Variants in GABBR1 observed in about 807,000 individuals in gnomAD.
GABBR1 encodes gamma-aminobutyric acid type B receptor subunit 1.
Under a neutral mutation model 117.7 loss-of-function variants are expected in GABBR1, and 35 were observed. The ratio of observed to expected loss-of-function variants is 0.30; its 90% CI spans 0.23 to 0.39. The LOEUF is 0.39. GABBR1 is among the 10% of genes least tolerant of loss of function. The pLI is 1.00. For missense variants in GABBR1, 709 were observed against 1,241.8 expected (o/e 0.57, Z 6.45); for synonymous variants, 442 against 486.6 (o/e 0.91, Z 1.21).
chr6:29,622,471 C>A lies in GABBR1; in HGVS notation c.964-266G>T. On this transcript the variant is annotated intron_variant, in intron 8 of 22. Transcript: ENST00000377034. The surrounding 1 kb of genome is among the most constrained non-coding windows in gnomAD (Gnocchi z 4.6). ...AAGCCACTCCATTCACCCACTCCTA[C>A]CACTGAAGGCAAAGATGGGGTAAAG... 1 of 479,840 alleles carries A rather than the reference C, an allele frequency of 2.1e-6. No individual in the cohort carries two copies. The allele number at this position is 479,840 out of a possible 1,614,324, so 29.7% of individuals were successfully genotyped here.
rs1762521828 is a variant in GABBR1 at position 29,611,381 on chromosome 6, C to T, written c.1631-380G>A. ...TTCTTCCTCTCATGATGGGCAGGCT[C>T]TATTTTCCCAGTGGCTTTCATTTTA... On this transcript the variant is annotated intron_variant, in intron 13 of 22. Coordinates refer to ENST00000377034, the MANE Select transcript of GABBR1 (RefSeq NM_001470.4). The surrounding 1 kb of genome is among the most constrained non-coding windows in gnomAD (Gnocchi z 4.6). 6.6e-6 allele frequency among the ~76,000 whole-genome samples: 1 copy of T among 152,210 alleles called. No individual in the cohort carries two copies. The highest frequency in any genetic ancestry group is 2.4e-5 in the African/African-American group (1 of 41,456).
Position 29,611,072 on chromosome 6 carries a change from C to A in GABBR1, c.1631-71G>T. The A allele has an allele frequency of 8.3e-7, 1 of 1,207,226 alleles. No individual in the cohort carries two copies. Among genetic ancestry groups the A allele is most frequent in the Non-Finnish European group, 1.2e-6 (1 of 812,810 alleles). The allele number at this position is 1,207,226 out of a possible 1,614,324, so 74.8% of individuals were successfully genotyped here. ...CTGATCCTAGGCATTTTCAACTTCC[C>A]ACTTCCCTAGAGCTTTGCATGGTTG... On this transcript the variant is annotated intron_variant, in intron 13 of 22. Transcript: ENST00000377034. The surrounding 1 kb of genome is among the most constrained non-coding windows in gnomAD (Gnocchi z 4.6).
chr6:29,611,197 C>T lies in GABBR1; in HGVS notation c.1631-196G>A, dbSNP rs924022665. ...ACTTAAAAGCAATATAAGGTGGTTC[C>T]CAAGACAACTCAAATAAATAAGAAT... On this transcript the variant is annotated intron_variant, in intron 13 of 22. Transcript: ENST00000377034. The surrounding 1 kb of genome is among the most constrained non-coding windows in gnomAD (Gnocchi z 4.6). The T allele has an allele frequency of 1.7e-4, 86 of 514,138 alleles. No individual in the cohort carries two copies. Among genetic ancestry groups the T allele is most frequent in the African/African-American group, 1.6e-3 (82 of 52,372 alleles). The allele number at this position is 514,138 out of a possible 1,614,324, so 31.8% of individuals were successfully genotyped here. A position where few individuals can be genotyped will look rare whatever the true frequency, so the allele number is the denominator to read the frequency against.
chr6:29,606,235 A>C lies in GABBR1; in HGVS notation c.2311+156T>G, dbSNP rs1761941379. 3.1e-6 allele frequency: 2 copies of C among 653,690 alleles called. No homozygotes were observed. 40.5% of individuals were successfully genotyped at this position (653,690 alleles called of 1,614,324 possible). ...AGAGCAACTCTCCCCTATTCTCAGA[A>C]AAGATTAGTGCAATAACAAAGAGTA... is the stretch of plus-strand genomic sequence containing the variant. On this transcript the variant is annotated intron_variant, in intron 19 of 22. Transcript: ENST00000377034. This position sits in a 1 kb window ranked among gnomAD's most constrained non-coding sequence, Gnocchi z 4.5.
At chr6:29,603,770 T>G (rs1761659651) in intron 22 of GABBR1, 54 bp from the exon 23 acceptor site, 18 of 1,314,048 alleles carry the variant, frequency 1.4e-5, no homozygotes, top group East Asian at 5.2e-5. Flanking sequence ...GATGAAGGAG[T>G]GGGGAGGAGG....
intron 6 of GABBR1, among the ~76,000 whole-genome samples, chr6:29,625,103 C>T (rs1429507840): frequency 1.3e-5 from 2 of 152,116 alleles, no homozygotes; most frequent in Admixed American, 6.5e-5. Flanking sequence ...AAGGGGGAGC[C>T]AGGGGAAGCT....
At position 29,627,455 on chromosome 6, in the gene GABBR1, A is replaced by ACCCCCC; in HGVS notation, c.657+30_657+31insGGGGGG. 2.8e-4 allele frequency: 94 copies of ACCCCCC among 341,642 alleles called. No homozygotes were observed. The highest frequency in any genetic ancestry group is 1.4e-3 in the South Asian group (40 of 29,118). 21.2% of individuals were successfully genotyped at this position (341,642 alleles called of 1,614,324 possible). On this transcript the variant is annotated intron_variant, in intron 6 of 22. Transcript: ENST00000377034. This position sits in a 1 kb window ranked among gnomAD's most constrained non-coding sequence, Gnocchi z 4.4. ...CTGGCCCCCTGCCCCGCAAGCCCCC[A>ACCCCCC]CCTCCCACCCACCCCCATGTCCAGG...
chr6:29,604,421 T>C lies in GABBR1; in HGVS notation c.2712+73A>G. The C allele has an allele frequency of 6.3e-7, 1 of 1,595,350 alleles. No individual in the cohort carries two copies. The highest frequency in any genetic ancestry group is 8.6e-7 in the Non-Finnish European group (1 of 1,165,016). Reference sequence around the variant, plus strand: ...TCTGACCCTGTATCTCAGGCTTGGCTTCAGACAACCCAAGCTAAGACGCAA... The same window carrying C: ...TCTGACCCTGTATCTCAGGCTTGGCCTCAGACAACCCAAGCTAAGACGCAA... On this transcript the variant is annotated intron_variant, in intron 22 of 22. Coordinates refer to ENST00000377034, the MANE Select transcript of GABBR1 (RefSeq NM_001470.4). This position sits in a 1 kb window ranked among gnomAD's most constrained non-coding sequence, Gnocchi z 5.3.
Position 29,631,616 on chromosome 6 carries a change from G to A in GABBR1, c.86-17C>T. 6.2e-7 allele frequency: 1 copy of A among 1,611,450 alleles called. No homozygotes were observed. Among genetic ancestry groups the A allele is most frequent in the Non-Finnish European group, 8.5e-7 (1 of 1,177,584 alleles). ...TCTGGCAACCTAAGGGGTGAGTCGG[G>A]GAGGCATACAGAGAGGAATGGTGGG... is the stretch of plus-strand genomic sequence containing the variant. On this transcript the variant is annotated splice_polypyrimidine_tract_variant and intron_variant, in intron 2 of 22. Coordinates refer to ENST00000377034, the MANE Select transcript of GABBR1 (RefSeq NM_001470.4). This position sits in a 1 kb window ranked among gnomAD's most constrained non-coding sequence, Gnocchi z 5.9.
chr6:29,610,811 C>T, intron 14 of GABBR1, 113 bp downstream of exon 14: 1 of 890,280 alleles, frequency 1.1e-6, no homozygotes, highest in South Asian at 1.5e-5. Flanking sequence ...GGCCCAGCTG[C>T]CAGCCACATT....
rs1390544963 is a variant in GABBR1, at chr6:29,632,698, G to A, written c.-1+152C>T. The A allele has an allele frequency of 1.4e-6, 2 of 1,382,724 alleles. No homozygotes were observed. The highest frequency in any genetic ancestry group is 1.6e-5 in the African/African-American group (1 of 62,018). The allele number at this position is 1,382,724 out of a possible 1,614,324, so 85.7% of individuals were successfully genotyped here. On this transcript the variant is annotated intron_variant, in intron 1 of 22. Transcript: ENST00000377034. This position sits in a 1 kb window ranked among gnomAD's most constrained non-coding sequence, Gnocchi z 5.8. ...CTGGCTTACCCACGCTCCCGGCATC[G>A]GCCGCCTCAGCGCTCCCCGATTCCA... is the stretch of plus-strand genomic sequence containing the variant.
In GABBR1 at chr6:29,609,215, G is replaced by C. The variant is rs1762274210; in HGVS notation, c.1859+14C>G. 1.2e-6 allele frequency: 2 copies of C among 1,612,382 alleles called. No homozygotes were observed. Among genetic ancestry groups the C allele is most frequent in the African/African-American group, 1.3e-5 (1 of 74,910 alleles). ...AGAGAGGCAGACAAGGAAAACGTCA[G>C]AAGAGAAACTTACCGGACATGTGAG... is the stretch of plus-strand genomic sequence containing the variant. On this transcript the variant is annotated intron_variant, in intron 15 of 22. Coordinates refer to ENST00000377034, the MANE Select transcript of GABBR1 (RefSeq NM_001470.4). The surrounding 1 kb of genome is among the most constrained non-coding windows in gnomAD (Gnocchi z 4.3).
Position 29,606,258 on chromosome 6 carries a change from GTAGGGTGT to G in GABBR1, c.2311+125_2311+132del. 1.4e-6 allele frequency: 1 copy of G among 705,346 alleles called. No homozygotes were observed. Among genetic ancestry groups the G allele is most frequent in the Non-Finnish European group, 2.6e-6 (1 of 386,738 alleles). 43.7% of individuals were successfully genotyped at this position (705,346 alleles called of 1,614,324 possible). ...GAAAAGATTAGTGCAATAACAAAGA[GTAGGGTGT>G]TCAAACTGGGTTGACAAGCTCTCTA... On this transcript the variant is annotated intron_variant, in intron 19 of 22. Coordinates refer to ENST00000377034, the MANE Select transcript of GABBR1 (RefSeq NM_001470.4). This position sits in a 1 kb window ranked among gnomAD's most constrained non-coding sequence, Gnocchi z 4.5.
chr6:29,618,243 C>T (rs1381885908), intron 11 of GABBR1, among the ~76,000 whole-genome samples: 1 of 152,232 alleles, frequency 6.6e-6, no homozygotes, highest in Non-Finnish European at 1.5e-5. Context: ...CTGCTCAGCA[C>T]GATGCGGTCC....
chr6:29,603,333 G>A lies in GABBR1; in HGVS notation c.*210C>T. 2 of 703,670 alleles carry A rather than the reference G, an allele frequency of 2.8e-6. No homozygotes were observed. Among genetic ancestry groups the A allele is most frequent in the East Asian group, 5.4e-5 (2 of 37,130 alleles). 43.6% of individuals were successfully genotyped at this position (703,670 alleles called of 1,614,324 possible). On this transcript the variant is annotated 3_prime_UTR_variant, in exon 23 of 23. Transcript: ENST00000377034. ...GTGAAGAGGTGATACAAAATTACAT[G>A]AAGCAGTAAGAGAGAAAAAGGTCTG...
chr6:29,623,355 C>T lies in GABBR1; in HGVS notation c.913G>A (p.Gly305Ser), dbSNP rs775896752. 6.2e-7 allele frequency: 1 copy of T among 1,614,126 alleles called. No homozygotes were observed. The highest frequency in any genetic ancestry group is 1.3e-5 in the African/African-American group (1 of 75,010). The stretch of plus-strand genomic sequence containing the variant: ...TGGATGGTAGCAATCTTCTTCCAGC[C>T]CCACTTTTCAAAGAGTTTCACGCGG... The part of the protein sequence containing the change: ...PTRVKLFEKW[G>S]WKKIATIQQT... The change falls in exon 8 of 23, where the codon GGC becomes AGC. Residue 305 changes from glycine to serine, a missense_variant. Around this residue, in one of 9 missense-constraint regions of GABBR1, gnomAD observed 192 missense variants for 418.4 expected, o/e 0.46. Coordinates refer to ENST00000377034, the MANE Select transcript of GABBR1 (RefSeq NM_001470.4). The surrounding 1 kb of genome is among the most constrained non-coding windows in gnomAD (Gnocchi z 6.2).
At position 29,627,455 on chromosome 6, in the gene GABBR1, A is replaced by ACCACCCC; in HGVS notation, c.657+30_657+31insGGGGTGG. 8.8e-6 allele frequency: 3 copies of ACCACCCC among 341,712 alleles called. No individual in the cohort carries two copies. Among genetic ancestry groups the ACCACCCC allele is most frequent in the Non-Finnish European group, 9.4e-6 (2 of 213,542 alleles). The allele number at this position is 341,712 out of a possible 1,614,324, so 21.2% of individuals were successfully genotyped here. The stretch of plus-strand genomic sequence containing the variant: ...CTGGCCCCCTGCCCCGCAAGCCCCC[A>ACCACCCC]CCTCCCACCCACCCCCATGTCCAGG... On this transcript the variant is annotated intron_variant, in intron 6 of 22. Transcript: ENST00000377034. The surrounding 1 kb of genome is among the most constrained non-coding windows in gnomAD (Gnocchi z 4.4).
At chr6:29,617,002 A>T (rs2127420148) in intron 11 of GABBR1, among the ~76,000 whole-genome samples, 1 of 151,166 alleles carries the variant, frequency 6.6e-6, no homozygotes, top group South Asian at 2.1e-4. Flanking sequence ...AAAAAAAAAA[A>T]AAAAAGTCTG....
rs1763730853 is a variant in GABBR1 at position 29,621,349 on chromosome 6, T to C, written c.1132-57A>G. On this transcript the variant is annotated intron_variant, in intron 10 of 22. Transcript: ENST00000377034. The surrounding 1 kb of genome is among the most constrained non-coding windows in gnomAD (Gnocchi z 5.0). ...TTTGCTCATTTGTTTGTTTTTGTCT[T>C]ATCTCACTTGATACTATTTAGCCTC... 3 of 1,394,068 alleles carry C rather than the reference T, an allele frequency of 2.2e-6. No individual in the cohort carries two copies. The highest frequency in any genetic ancestry group is 3.0e-6 in the Non-Finnish European group (3 of 997,776). 86.4% of individuals were successfully genotyped at this position (1,394,068 alleles called of 1,614,324 possible).
Sources: gnomAD v4.1 joint callset for allele counts (sites outside exome capture counted in the v4.1 genomes callset) on GRCh38, gnomAD v4.1.1 for gene constraint, gnomAD v4.1.1 regional missense constraint, Gnocchi (gnomAD v3.1) non-coding constraint, MANE v1.5 for transcripts, NCBI Gene and HGNC (gene_info 2026-07-23, HGNC 2026-07-21) for gene names.